Variants in PHF11 observed in about 807,000 individuals in gnomAD.
The protein encoded by PHF11 is PHD finger protein 11, also known as BRCA1 C-terminus-associated protein.
Under a neutral mutation model 40.5 loss-of-function variants are expected in PHF11, and 38 were observed. The observed-to-expected ratio is 0.94, with a 90% CI of 0.72 to 1.23. The LOEUF (loss-of-function observed/expected upper bound fraction) is 1.23, where lower values mean the gene tolerates loss of function less well. Ranked by LOEUF, PHF11 falls within the 50% of genes most tolerant of loss-of-function variation. The pLI, the probability that PHF11 is intolerant of heterozygous loss-of-function variation, is 0.00. For missense variants in PHF11, 369 were observed against 392.4 expected (o/e 0.94, Z 0.50); for synonymous variants, 127 against 138.2 (o/e 0.92, Z 0.57).
At chr13:49,498,675 GA>G (rs1958858506) in intron 1 of PHF11, among the ~76,000 whole-genome samples, 1 of 152,176 alleles carries the variant, frequency 6.6e-6, no homozygotes, top group Non-Finnish European at 1.5e-5. Context: ...AGATCATTCT[GA>G]CAGTAATATA....
intron 8 of PHF11, 171 bp from the exon 9 acceptor site, chr13:49,526,216 C>G (rs1001442366): frequency 1.4e-5 from 7 of 509,618 alleles, no homozygotes; most frequent in African/African-American, 1.0e-4. Flanking sequence ...CCAAGAATTA[C>G]ATTTCTGACA....
intron 4 of PHF11, among the ~76,000 whole-genome samples, chr13:49,519,376 G>A (rs1414344699): frequency 1.3e-5 from 2 of 152,044 alleles, no homozygotes; most frequent in Non-Finnish European, 2.9e-5. Context: ...GAATGTCCCT[G>A]CTATAGCTTA....
chr13:49,512,532 T>C (rs1353127519), intron 2 of PHF11, among the ~76,000 whole-genome samples: 1 of 152,246 alleles, frequency 6.6e-6, no homozygotes, highest in Non-Finnish European at 1.5e-5. Flanking sequence ...TTTGGAGTCT[T>C]CTGGTTTCAA....
intron 2 of PHF11, 145 bp downstream of exon 2, chr13:49,506,901 T>TTTC: frequency 2.7e-6 from 1 of 374,282 alleles, no homozygotes; most frequent in Non-Finnish European, 4.6e-6. Context: ...AGCATTTCTT[T>TTTC]TTTTTTTTTT....
At chr13:49,496,544 G>T (rs1233631366) in intron 1 of PHF11, 2 of 706,406 alleles carry the variant, frequency 2.8e-6, no homozygotes, top group Non-Finnish European at 3.5e-6. Context: ...GACGTGACTG[G>T]AACCCGTCTC....
chr13:49,505,775 T>C (rs917905254), intron 1 of PHF11, among the ~76,000 whole-genome samples: 2 of 152,166 alleles, frequency 1.3e-5, no homozygotes, highest in African/African-American at 2.4e-5. Flanking sequence ...TTCTTTCCTT[T>C]TTTCCATTCT....
In PHF11 at chr13:49,509,615, G is replaced by C. The variant is rs767601753; in HGVS notation, c.216+2859G>C. Reference sequence around the variant, plus strand: ...CCCCACGTGTCAAGGGTGGAGCCAGGTGGAGATAAGTGAATCATGGGAGCA... The same window carrying C: ...CCCCACGTGTCAAGGGTGGAGCCAGCTGGAGATAAGTGAATCATGGGAGCA... On this transcript the variant is annotated intron_variant, in intron 2 of 9. Coordinates refer to ENST00000378319, the MANE Select transcript of PHF11 (RefSeq NM_001040443.3). Among the ~76,000 whole-genome samples the C allele has an allele frequency of 1.4e-4, 21 of 152,180 alleles. 1 individual carries two copies. The highest frequency in any genetic ancestry group is 2.6e-4 in the Non-Finnish European group (18 of 68,028).
chr13:49,497,898 T>C (rs912990617), intron 1 of PHF11, among the ~76,000 whole-genome samples: 1 of 152,198 alleles, frequency 6.6e-6, no homozygotes, highest in Non-Finnish European at 1.5e-5. Context: ...CATTATCCCA[T>C]TTTCAGTTCC....
At position 49,522,241 on chromosome 13, in the gene PHF11, G is replaced by A. The variant is rs955518427; in HGVS notation, c.570+134G>A. The A allele has an allele frequency of 7.8e-5, 41 of 528,060 alleles. No individual in the cohort carries two copies. In the African/African-American group the frequency reaches 7.8e-4, roughly 10 times the overall value. The allele number at this position is 528,060 out of a possible 1,614,324, so 32.7% of individuals were successfully genotyped here. On this transcript the variant is annotated intron_variant, in intron 6 of 9. Transcript: ENST00000378319. The stretch of plus-strand genomic sequence containing the variant: ...CCTTTGAAGAACATTCTTCATTTGT[G>A]TTCTCAGCTAAGGCTGCTCCTGAGG...
intron 1 of PHF11, chr13:49,497,250 C>T (rs1435771128): frequency 1.5e-5 from 18 of 1,236,464 alleles, no homozygotes; most frequent in Non-Finnish European, 1.9e-5. Flanking sequence ...CCATCCTGAC[C>T]TCTTCCTCAA....
intron 1 of PHF11, 152 bp downstream of exon 1, chr13:49,496,247 C>A: frequency 1.6e-6 from 1 of 644,226 alleles, no homozygotes; most frequent in Non-Finnish European, 2.2e-6. Flanking sequence ...GCTGGACGAA[C>A]TTGGCTCACC....
In PHF11 at chr13:49,495,982, C is replaced by T. The variant is rs540754720; in HGVS notation, c.-20C>T. ...CCGGGATCTCGCTATCCGGCCGCCA[C>T]CCGCAGCTGCAGCACAGTCATGGCC... is the stretch of plus-strand genomic sequence containing the variant. On this transcript the variant is annotated 5_prime_UTR_variant, in exon 1 of 10. Transcript: ENST00000378319. The T allele has an allele frequency of 6.7e-7, 1 of 1,481,616 alleles. No individual in the cohort carries two copies. The highest frequency in any genetic ancestry group is 1.7e-4 in the Middle Eastern group (1 of 5,854). 91.8% of individuals were successfully genotyped at this position (1,481,616 alleles called of 1,614,324 possible).
Position 49,524,477 on chromosome 13 carries a change from C to CTT in PHF11, c.769+274_769+275dup, listed in dbSNP as rs59326982. On this transcript the variant is annotated intron_variant, in intron 8 of 9. Coordinates refer to ENST00000378319, the MANE Select transcript of PHF11 (RefSeq NM_001040443.3). ...TGTCATTCTTTACCTTTACCTCATTCTTTTTTTTTTTTTTAAGACGGAGTT... is the reference window on the plus strand; with the variant it reads ...TGTCATTCTTTACCTTTACCTCATTCTTTTTTTTTTTTTTTTAAGACGGAGTT... Among the ~76,000 whole-genome samples, 14 of 143,490 alleles carry CTT rather than the reference C, an allele frequency of 9.8e-5. 1 individual carries two copies. The highest frequency in any genetic ancestry group is 3.6e-4 in the African/African-American group (14 of 39,382). 94.1% of individuals were successfully genotyped at this position (143,490 alleles called of 152,430 possible). A position where few individuals can be genotyped will look rare whatever the true frequency, so the allele number is the denominator to read the frequency against.
chr13:49,526,902 C>T (rs963960633), intron 9 of PHF11, among the ~76,000 whole-genome samples: 5 of 152,116 alleles, frequency 3.3e-5, no homozygotes, highest in African/African-American at 1.2e-4. Flanking sequence ...GGCTTCTCTG[C>T]TCTTGGGTGG....
At position 49,496,079 on chromosome 13, in the gene PHF11, G is replaced by T; in HGVS notation, c.78G>T (p.Ala26=). ...CGGAGGCCCGGCCCGCGCAGGAGGC[G>T]CTCCTCCTTCCCACCGGTGTGTACC... is the stretch of plus-strand genomic sequence containing the variant. ...SSPEARPAQE[A]LLLPTGVFQV... is the part of the protein sequence containing the mutation. The change falls in exon 1 of 10, where the codon GCG becomes GCT. Residue 26 remains alanine (A), a synonymous_variant. Transcript: ENST00000378319. The T allele has an allele frequency of 1.4e-6, 2 of 1,421,732 alleles. No homozygotes were observed. Among genetic ancestry groups the T allele is most frequent in the Non-Finnish European group, 1.8e-6 (2 of 1,092,540 alleles). The allele number at this position is 1,421,732 out of a possible 1,614,324, so 88.1% of individuals were successfully genotyped here.
intron 1 of PHF11, among the ~76,000 whole-genome samples, chr13:49,505,027 AAG>A (rs1401778325): frequency 4.0e-5 from 6 of 151,844 alleles, no homozygotes; most frequent in African/African-American, 1.4e-4. Context: ...CATGCTCGTT[AAG>A]AGTCATCACC....
Position 49,520,884 on chromosome 13 carries a change from A to T in PHF11, c.459-10A>T. The T allele has an allele frequency of 2.0e-6, 3 of 1,529,282 alleles. No individual in the cohort carries two copies. Among genetic ancestry groups the T allele is most frequent in the Non-Finnish European group, 2.7e-6 (3 of 1,119,014 alleles). The allele number at this position is 1,529,282 out of a possible 1,614,324, so 94.7% of individuals were successfully genotyped here. A position where few individuals can be genotyped will look rare whatever the true frequency, so the allele number is the denominator to read the frequency against. On this transcript the variant is annotated splice_polypyrimidine_tract_variant and intron_variant, in intron 4 of 9. Transcript: ENST00000378319. Reference sequence around the variant, plus strand: ...AATATTTTACAATTCTTTGAAATTAAATATTTCAGACTGCTTTGCCAGCAA... The same window carrying T: ...AATATTTTACAATTCTTTGAAATTATATATTTCAGACTGCTTTGCCAGCAA...
intron 3 of PHF11, among the ~76,000 whole-genome samples, chr13:49,515,838 T>A (rs902324778): frequency 6.6e-6 from 1 of 152,172 alleles, no homozygotes; most frequent in South Asian, 2.1e-4. Context: ...ATGTTCCCCG[T>A]GCAGAAAGAT....
At chr13:49,519,692 C>CTTTAG in intron 4 of PHF11, among the ~76,000 whole-genome samples, 1 of 151,144 alleles carries the variant, frequency 6.6e-6, no homozygotes, top group South Asian at 2.1e-4. Flanking sequence ...GGAGCTTGGC[C>CTTTAG]TTGAGAATTG....
Sources: gnomAD v4.1 joint callset for allele counts (sites outside exome capture counted in the v4.1 genomes callset) on GRCh38, gnomAD v4.1.1 for gene constraint, MANE v1.5 for transcripts, NCBI Gene and HGNC (gene_info 2026-07-23, HGNC 2026-07-21) for gene names.